Variants in CNNM4 observed in about 807,000 individuals in gnomAD.
CNNM4 encodes the protein cyclin and CBS domain divalent metal cation transport mediator 4, also known as metal transporter CNNM4.
In CNNM4, 32 loss-of-function variants were observed where a neutral mutation model predicts 53.7. That is an observed-to-expected ratio of 0.60 (90% CI 0.45 to 0.80). The LOEUF is 0.80. CNNM4 is among the 30% of genes least tolerant of loss of function. The probability of loss-of-function intolerance (pLI) is 0.00; values close to 1 mark genes in which losing one functional copy is unlikely to be tolerated. For missense variants in CNNM4, 784 were observed against 1,022.0 expected (o/e 0.77, Z 3.17); for synonymous variants, 410 against 440.0 (o/e 0.93, Z 0.85).
chr2:96,764,588 C>T (rs975855090), intron 1 of CNNM4, among the ~76,000 whole-genome samples: 12 of 152,292 alleles, frequency 7.9e-5, no homozygotes, highest in African/African-American at 2.6e-4. Context: ...CATTGCACAC[C>T]GGGTTCCCTG....
Position 96,806,535 on chromosome 2 carries a change from A to ACACACACACACACG in CNNM4, c.1949-2025_1949-2024insACACACACACACGC, listed in dbSNP as rs374638753. 3.0e-3 allele frequency among the ~76,000 whole-genome samples: 375 copies of ACACACACACACACG among 123,954 alleles called. 1 individual carries two copies. The highest frequency in any genetic ancestry group is 8.2e-3 in the African/African-American group (282 of 34,424). 81.3% of individuals were successfully genotyped at this position (123,954 alleles called of 152,430 possible). On this transcript the variant is annotated intron_variant, in intron 5 of 6. Coordinates refer to ENST00000377075, the MANE Select transcript of CNNM4 (RefSeq NM_020184.4). ...CACACACACACACACACACACACAC[A>ACACACACACACACG]CGCGCGCGCGCGCGCGCGCCCTTAG...
chr2:96,797,251 A>T lies in CNNM4; in HGVS notation c.1546+96A>T. ...AAGGGCCATAGTGCAGGGACACAGG[A>T]GGCCTAGCATCCAGAGGCCCAGTGG... is the stretch of plus-strand genomic sequence containing the variant. On this transcript the variant is annotated intron_variant, in intron 2 of 6. Coordinates refer to ENST00000377075, the MANE Select transcript of CNNM4 (RefSeq NM_020184.4). The surrounding 1 kb of genome is among the most constrained non-coding windows in gnomAD (Gnocchi z 6.0). 6.5e-7 allele frequency: 1 copy of T among 1,546,160 alleles called. No homozygotes were observed. The highest frequency in any genetic ancestry group is 8.9e-7 in the Non-Finnish European group (1 of 1,128,072).
Position 96,799,184 on chromosome 2 carries a change from C to T in CNNM4, c.1809C>T (p.Tyr603=), listed in dbSNP as rs772249190. 1.9e-6 allele frequency: 3 copies of T among 1,614,086 alleles called. No individual in the cohort carries two copies. In the African/African-American group the frequency reaches 4.0e-5, roughly 22 times the overall value. ...HNKYYARHYL[Y]TRNKPADYFI... is the part of the protein sequence containing the mutation. ...AGTACTACGCCCGCCATTACCTGTA[C>T]ACCCGAAATAAGCCGGCCGACTACT... Residue 603 remains tyrosine, a synonymous_variant, in exon 4 of 7, where the codon TAC becomes TAT. Coordinates refer to ENST00000377075, the MANE Select transcript of CNNM4 (RefSeq NM_020184.4).
rs752438896 is a variant in CNNM4, at chr2:96,809,525, G to A, written c.*8G>A. 2 of 1,614,054 alleles carry A rather than the reference G, an allele frequency of 1.2e-6. No homozygotes were observed. The highest frequency in any genetic ancestry group is 1.7e-5 in the Admixed American group (1 of 60,018). On this transcript the variant is annotated 3_prime_UTR_variant, in exon 7 of 7. Coordinates refer to ENST00000377075, the MANE Select transcript of CNNM4 (RefSeq NM_020184.4). ...CACGAGAATGCCATCTGACAGGAGG[G>A]CCCGGGGCCCCCTGCCCACCCTGCG...
At chr2:96,795,616 C>T (rs1179692449) in intron 1 of CNNM4, among the ~76,000 whole-genome samples, 1 of 152,088 alleles carries the variant, frequency 6.6e-6, no homozygotes, top group Non-Finnish European at 1.5e-5. Flanking sequence ...GGGGGATTTT[C>T]TGTGGCCTTA....
chr2:96,783,422 G>A (rs191679921), intron 1 of CNNM4, among the ~76,000 whole-genome samples: 1 of 152,196 alleles, frequency 6.6e-6, no homozygotes, highest in Non-Finnish European at 1.5e-5. Context: ...TCCTGGCCAC[G>A]GAGAGATCCT....
chr2:96,771,931 G>A (rs2078873486), intron 1 of CNNM4, among the ~76,000 whole-genome samples: 1 of 152,174 alleles, frequency 6.6e-6, no homozygotes. Flanking sequence ...CTGCTAGTTT[G>A]TTTTGCTGGG....
intron 5 of CNNM4, among the ~76,000 whole-genome samples, chr2:96,802,093 A>T (rs971358288): frequency 6.6e-6 from 1 of 151,378 alleles, no homozygotes; most frequent in African/African-American, 2.4e-5. Context: ...ACAGGTATAT[A>T]TACACAGATA....
chr2:96,764,499 G>A (rs1011570976), intron 1 of CNNM4, among the ~76,000 whole-genome samples: 7 of 151,742 alleles, frequency 4.6e-5, no homozygotes, highest in African/African-American at 1.5e-4. Flanking sequence ...ACCCACCCCC[G>A]ACAAATGAAC....
chr2:96,791,580 C>T (rs1016985473), intron 1 of CNNM4, among the ~76,000 whole-genome samples: 3 of 149,948 alleles, frequency 2.0e-5, no homozygotes, highest in African/African-American at 4.9e-5. Context: ...AAGAGAAAGA[C>T]TCCGTCTCAA....
Position 96,808,476 on chromosome 2 carries a change from G to A in CNNM4, c.1949-85G>A. 6.9e-7 allele frequency: 1 copy of A among 1,441,448 alleles called. No homozygotes were observed. The highest frequency in any genetic ancestry group is 1.8e-5 in the Admixed American group (1 of 55,642). 89.3% of individuals were successfully genotyped at this position (1,441,448 alleles called of 1,614,324 possible). On this transcript the variant is annotated intron_variant, in intron 5 of 6. Transcript: ENST00000377075. This position sits in a 1 kb window ranked among gnomAD's most constrained non-coding sequence, Gnocchi z 4.9. ...CCTGTTCCTGGGTGGGGTGTCCCTG[G>A]GCTTCCATGGGATGAGGTGAGACAT...
At chr2:96,765,825 G>T (rs547708345) in intron 1 of CNNM4, among the ~76,000 whole-genome samples, 16 of 140,870 alleles carry the variant, frequency 1.1e-4, no homozygotes, top group Admixed American at 1.1e-3. Context: ...ACGGAGTTTC[G>T]CTCTCATTGC....
Position 96,809,796 on chromosome 2 carries a change from T to G in CNNM4, c.*279T>G. Reference sequence around the variant, plus strand: ...GAATTTCTAAAGTAGGCTCATCACTTTTTTTTAAATATCATTTTGGGAAGG... The same window carrying G: ...GAATTTCTAAAGTAGGCTCATCACTGTTTTTTAAATATCATTTTGGGAAGG... On this transcript the variant is annotated 3_prime_UTR_variant, in exon 7 of 7. Transcript: ENST00000377075. 2.8e-6 allele frequency: 1 copy of G among 361,916 alleles called. No homozygotes were observed. Among genetic ancestry groups the G allele is most frequent in the Non-Finnish European group, 5.0e-6 (1 of 200,028 alleles). The allele number at this position is 361,916 out of a possible 1,614,324, so 22.4% of individuals were successfully genotyped here.
At position 96,762,583 on chromosome 2, in the gene CNNM4, G is replaced by A. The variant is rs72809838; in HGVS notation, c.1402+182G>A. On this transcript the variant is annotated intron_variant, in intron 1 of 6. Coordinates refer to ENST00000377075, the MANE Select transcript of CNNM4 (RefSeq NM_020184.4). ...GTAGACCCATTCTCAAGTGTCTGCC[G>A]TCTGCCAGGTAGTGTGCTGTGTGCT... Among the ~76,000 whole-genome samples the A allele has an allele frequency of 0.25, 37,504 of 152,012 alleles. 5,533 individuals carry two copies. The highest frequency in any genetic ancestry group is 0.32 in the East Asian group (1,660 of 5,156).
At chr2:96,786,425 A>AT (rs1315430797) in intron 1 of CNNM4, among the ~76,000 whole-genome samples, 1 of 151,690 alleles carries the variant, frequency 6.6e-6, no homozygotes, top group African/African-American at 2.4e-5. Flanking sequence ...AAAAAAAAAA[A>AT]AAAGTTCTTA....
In CNNM4 at chr2:96,772,427, C is replaced by G. The variant is rs535475397; in HGVS notation, c.1402+10026C>G. Among the ~76,000 whole-genome samples the G allele has an allele frequency of 2.2e-3, 303 of 140,290 alleles. 2 individuals carry two copies. The highest frequency in any genetic ancestry group is 7.9e-3 in the African/African-American group (293 of 36,928). 92.0% of individuals were successfully genotyped at this position (140,290 alleles called of 152,430 possible). The stretch of plus-strand genomic sequence containing the variant: ...GTAGGCACAGGCAGGCGCTCACACA[C>G]ACATGCGCACACACACTCATACCCC... On this transcript the variant is annotated intron_variant, in intron 1 of 6. Transcript: ENST00000377075.
At chr2:96,782,334 C>A (rs902436461) in intron 1 of CNNM4, among the ~76,000 whole-genome samples, 1 of 151,848 alleles carries the variant, frequency 6.6e-6, no homozygotes, top group South Asian at 2.1e-4. Context: ...ATCATTTGAG[C>A]CTGACAGGCA....
In CNNM4 at chr2:96,774,960, C is replaced by CAAAA. The variant is rs56997097; in HGVS notation, c.1402+12594_1402+12597dup. 6.2e-4 allele frequency among the ~76,000 whole-genome samples: 11 copies of CAAAA among 17,690 alleles called. 4 individuals are homozygous for CAAAA. The highest frequency in any genetic ancestry group is 1.3e-3 in the Non-Finnish European group (11 of 8,400). The allele number at this position is 17,690 out of a possible 152,430, so 11.6% of individuals were successfully genotyped here. ...TGGGAGACAGAGTGAGACTCCATCTCAAAAAAAAAAAAAAAAAAAAAAAAA... is the reference window on the plus strand; with the variant it reads ...TGGGAGACAGAGTGAGACTCCATCTCAAAAAAAAAAAAAAAAAAAAAAAAAAAAA... On this transcript the variant is annotated intron_variant, in intron 1 of 6. Coordinates refer to ENST00000377075, the MANE Select transcript of CNNM4 (RefSeq NM_020184.4).
Position 96,799,112 on chromosome 2 carries a change from C to G in CNNM4, c.1737C>G (p.Leu579=), listed in dbSNP as rs1172026286. 6.2e-7 allele frequency: 1 copy of G among 1,614,038 alleles called. No homozygotes were observed. The highest frequency in any genetic ancestry group is 8.5e-7 in the Non-Finnish European group (1 of 1,179,946). The change falls in exon 4 of 7, where the codon CTC becomes CTG. Residue 579 remains leucine (L), a synonymous_variant. Transcript: ENST00000377075. ...LISEKILLRL[L]KYPDVIQELK... The stretch of plus-strand genomic sequence containing the variant: ...CAGAGAAGATCCTGCTGCGGCTACT[C>G]AAGTACCCAGATGTCATTCAGGAAC...
Sources: gnomAD v4.1 joint callset for allele counts (sites outside exome capture counted in the v4.1 genomes callset) on GRCh38, gnomAD v4.1.1 for gene constraint, Gnocchi (gnomAD v3.1) non-coding constraint, MANE v1.5 for transcripts, NCBI Gene and HGNC (gene_info 2026-07-23, HGNC 2026-07-21) for gene names.